Variants in DGKB observed in about 807,000 individuals in gnomAD.
DGKB encodes the protein diacylglycerol kinase beta.
DGKB carries 67 observed loss-of-function variants against 114.3 expected under a neutral mutation model. The observed-to-expected ratio is 0.59, with a 90% CI of 0.48 to 0.72. The LOEUF is 0.72. Ranked by LOEUF, DGKB falls within the 30% of genes least tolerant of loss-of-function variation. The probability of loss-of-function intolerance (pLI) is 0.00; values close to 1 mark genes in which losing one functional copy is unlikely to be tolerated. For missense variants in DGKB, 907 were observed against 975.2 expected (o/e 0.93, Z 0.93); for synonymous variants, 398 against 323.1 (o/e 1.23, Z -2.49).
intron 4 of DGKB, among the ~76,000 whole-genome samples, chr7:14,737,180 G>A (rs1247911303): frequency 6.6e-6 from 1 of 151,448 alleles, no homozygotes; most frequent in Non-Finnish European, 1.5e-5. Context: ...TAGGGCATTT[G>A]AAAGGACTAG....
chr7:14,311,928 GGATA>G (rs757879617), intron 23 of DGKB, among the ~76,000 whole-genome samples: 4 of 152,040 alleles, frequency 2.6e-5, no homozygotes, highest in East Asian at 3.9e-4. Flanking sequence ...ATAAAAATAT[GGATA>G]GATAATGGTA....
chr7:14,895,454 TTAATTA>T (rs1781949044), intron 1 of DGKB, among the ~76,000 whole-genome samples: 1 of 151,598 alleles, frequency 6.6e-6, no homozygotes, highest in Non-Finnish European at 1.5e-5. Context: ...TGTTCTCCTA[TTAATTA>T]TATTATTCCT....
chr7:14,367,244 T>C (rs1816828697), intron 21 of DGKB, among the ~76,000 whole-genome samples: 1 of 152,016 alleles, frequency 6.6e-6, no homozygotes, highest in South Asian at 2.1e-4. Flanking sequence ...GGTGATATGG[T>C]TTGGCTGTGT....
intron 23 of DGKB, among the ~76,000 whole-genome samples, chr7:14,250,312 T>G (rs1374098054): frequency 6.6e-6 from 1 of 152,018 alleles, no homozygotes; most frequent in African/African-American, 2.4e-5. Flanking sequence ...ATCTTAGAAC[T>G]GCTTTTGCCG....
chr7:14,192,800 A>G (rs111511569), intron 23 of DGKB, among the ~76,000 whole-genome samples: 2,415 of 152,214 alleles, frequency 0.016, 68 homozygotes, highest in African/African-American at 0.055. Context: ...GTAATAATAC[A>G]ACTCACTATA....
chr7:14,185,216 C>T (rs553836373), intron 23 of DGKB, among the ~76,000 whole-genome samples: 1 of 152,114 alleles, frequency 6.6e-6, no homozygotes, highest in African/African-American at 2.4e-5. Context: ...AGCTCTTGTA[C>T]ACAATAATGG....
chr7:14,499,180 G>GTCCCAAAC (rs1785749150), intron 20 of DGKB, among the ~76,000 whole-genome samples: 1 of 151,588 alleles, frequency 6.6e-6, no homozygotes, highest in African/African-American at 2.4e-5. Context: ...GTAGCAAATA[G>GTCCCAAAC]TCCCAAACTT....
chr7:14,715,376 G>A (rs992763183), intron 6 of DGKB, among the ~76,000 whole-genome samples: 1 of 152,090 alleles, frequency 6.6e-6, no homozygotes, highest in Non-Finnish European at 1.5e-5. Context: ...GTAAAAGAGA[G>A]GTTGTTGACT....
At chr7:14,675,801 A>G (rs776398215) in intron 12 of DGKB, among the ~76,000 whole-genome samples, 9 of 152,014 alleles carry the variant, frequency 5.9e-5, no homozygotes, top group Non-Finnish European at 1.2e-4. Flanking sequence ...ATGCAGGAAT[A>G]CCTTATGCTT....
chr7:14,651,083 T>C (rs1814368471), intron 13 of DGKB, among the ~76,000 whole-genome samples: 1 of 152,150 alleles, frequency 6.6e-6, no homozygotes, highest in African/African-American at 2.4e-5. Context: ...GAGGAGCTGG[T>C]ACCATTCCTT....
intron 23 of DGKB, among the ~76,000 whole-genome samples, chr7:14,255,244 T>A (rs1049057683): frequency 2.6e-5 from 4 of 152,040 alleles, no homozygotes; most frequent in African/African-American, 9.7e-5. Flanking sequence ...ATGAAAACAT[T>A]CCCATTTAAG....
chr7:14,618,183 A>G (rs1020838138), intron 15 of DGKB, among the ~76,000 whole-genome samples: 2 of 151,476 alleles, frequency 1.3e-5, no homozygotes, highest in Non-Finnish European at 3.0e-5. Context: ...TTATATAGAG[A>G]TAATTAATTT....
intron 1 of DGKB, among the ~76,000 whole-genome samples, chr7:14,880,212 G>T (rs1352021643): frequency 7.8e-6 from 1 of 129,008 alleles, no homozygotes; most frequent in Admixed American, 8.6e-5. Context: ...AAGTTCATCA[G>T]TATTTTGGGA....
intron 2 of DGKB, among the ~76,000 whole-genome samples, chr7:14,835,123 C>T (rs1401160945): frequency 2.0e-5 from 3 of 152,106 alleles, no homozygotes; most frequent in Non-Finnish European, 4.4e-5. Context: ...CAGTGTGAAT[C>T]AGAAGAAAGA....
chr7:14,339,028 A>G (rs993083353), intron 22 of DGKB, among the ~76,000 whole-genome samples: 4 of 152,118 alleles, frequency 2.6e-5, no homozygotes, highest in East Asian at 1.9e-4. Context: ...CAAATTTCCA[A>G]TGTGTTACAA....
intron 23 of DGKB, 128 bp from the exon 24 acceptor site, chr7:14,178,279 T>C (rs1443944181): frequency 9.1e-6 from 9 of 986,018 alleles, no homozygotes; most frequent in Non-Finnish European, 1.2e-5. Flanking sequence ...CTTAGAAACT[T>C]AAAGTAATAA....
In DGKB at chr7:14,371,984, T is replaced by G. The variant is rs539626241; in HGVS notation, c.1836-26593A>C. Among the ~76,000 whole-genome samples, 4 of 152,308 alleles carry G rather than the reference T, an allele frequency of 2.6e-5. No individual in the cohort carries two copies. In the South Asian group the frequency reaches 6.2e-4, roughly 24 times the overall value. ...TCTCCAAAGAATGACTGACTTTGTATGCACCTGGATTAAAAATGGCCTCCT... is the reference window on the plus strand; with the variant it reads ...TCTCCAAAGAATGACTGACTTTGTAGGCACCTGGATTAAAAATGGCCTCCT... On this transcript the variant is annotated intron_variant, in intron 21 of 25. Coordinates refer to ENST00000402815, the MANE Select transcript of DGKB (RefSeq NM_001350709.2).
At chr7:14,389,657 C>T (rs1376770149) in intron 21 of DGKB, among the ~76,000 whole-genome samples, 2 of 152,154 alleles carry the variant, frequency 1.3e-5, no homozygotes, top group African/African-American at 4.8e-5. Context: ...CAATCAAAAA[C>T]CTGTAAAAAA....
At chr7:14,361,040 A>T (rs534357206) in intron 21 of DGKB, among the ~76,000 whole-genome samples, 3 of 152,156 alleles carry the variant, frequency 2.0e-5, no homozygotes, top group East Asian at 3.9e-4. Flanking sequence ...TCCCTTACCT[A>T]TATTCTGTGA....
Sources: allele counts gnomAD v4.1 joint callset (sites outside exome capture counted in the v4.1 genomes callset), GRCh38; gene constraint gnomAD v4.1.1; transcripts MANE v1.5; gene names NCBI Gene and HGNC (gene_info 2026-07-23, HGNC 2026-07-21).